MACROD2: variants seen among roughly 807,000 people sequenced by gnomAD.
MACROD2 encodes mono-ADP ribosylhydrolase 2, also known as ADP-ribose glycohydrolase MACROD2.
A neutral mutation model predicts 70.4 loss-of-function variants in MACROD2; 36 were observed. That is an observed-to-expected ratio of 0.51 (90% CI 0.39 to 0.68). MACROD2 has a LOEUF of 0.68. Ranked by LOEUF, MACROD2 falls within the 30% of genes least tolerant of loss-of-function variation. MACROD2 has a pLI of 0.00. For missense variants in MACROD2, 496 were observed against 538.4 expected (o/e 0.92, Z 0.78); for synonymous variants, 172 against 178.8 (o/e 0.96, Z 0.30).
chr20:14,940,974 A>T (rs2074384936), intron 5 of MACROD2, among the ~76,000 whole-genome samples: 1 of 152,120 alleles, frequency 6.6e-6, no homozygotes, highest in South Asian at 2.1e-4. Flanking sequence ...AATTAGTGTT[A>T]GTTCTTTACA....
intron 2 of MACROD2, among the ~76,000 whole-genome samples, chr20:14,010,907 A>G (rs2052894382): frequency 6.6e-6 from 1 of 152,084 alleles, no homozygotes; most frequent in Non-Finnish European, 1.5e-5. Context: ...CAGCATGAAT[A>G]TTGTTTTGGG....
At chr20:14,893,377 T>A (rs1339781177) in intron 5 of MACROD2, 1 of 152,172 alleles carries the variant, frequency 6.6e-6, no homozygotes, top group Non-Finnish European at 1.5e-5. Flanking sequence ...AATTTAATAC[T>A]GTTTTTGATA....
chr20:15,932,910 C>T (rs1486662839), intron 10 of MACROD2, among the ~76,000 whole-genome samples: 1 of 152,110 alleles, frequency 6.6e-6, no homozygotes. Context: ...AGAAACTTAG[C>T]CAACCTTCCT....
chr20:15,115,392 G>C (rs2075984832), intron 5 of MACROD2, among the ~76,000 whole-genome samples: 1 of 152,158 alleles, frequency 6.6e-6, no homozygotes, highest in Middle Eastern at 3.4e-3. Flanking sequence ...ACCATGCCCA[G>C]CTAATTTTTT....
chr20:15,891,779 C>A (rs1046518982), intron 10 of MACROD2, among the ~76,000 whole-genome samples: 1 of 152,148 alleles, frequency 6.6e-6, no homozygotes, highest in Non-Finnish European at 1.5e-5. Context: ...TGCTTATAAA[C>A]ATCAAGTATA....
At chr20:14,331,789 C>G (rs1025431449) in intron 3 of MACROD2, among the ~76,000 whole-genome samples, 1 of 152,086 alleles carries the variant, frequency 6.6e-6, no homozygotes, top group African/African-American at 2.4e-5. Flanking sequence ...TAGACCTTCC[C>G]CTTTCTGAGC....
chr20:14,779,004 A>T lies in MACROD2; in HGVS notation c.418+94045A>T, dbSNP rs546546311. Among the ~76,000 whole-genome samples the T allele has an allele frequency of 2.6e-5, 4 of 152,262 alleles. No homozygotes were observed. The East Asian group carries it at 5.8e-4, about 22-fold the overall frequency. ...TAAAAAAGTTATTGTAATCTCACAG[A>T]TGAGTAAAATTAAGCAAAATGAAGC... On this transcript the variant is annotated intron_variant, in intron 5 of 17. Transcript: ENST00000684519.
chr20:15,574,634 A>C (rs868349175), intron 8 of MACROD2, among the ~76,000 whole-genome samples: 1 of 152,110 alleles, frequency 6.6e-6, no homozygotes, highest in African/African-American at 2.4e-5. Flanking sequence ...GGCAATCCAA[A>C]TCATACAGGG....
At chr20:14,701,046 T>C (rs1600558707) in intron 5 of MACROD2, among the ~76,000 whole-genome samples, 1 of 152,144 alleles carries the variant, frequency 6.6e-6, no homozygotes, top group African/African-American at 2.4e-5. Flanking sequence ...GGCCTGCAGC[T>C]TAACAGATGA....
At chr20:15,285,896 G>T (rs1471973055) in intron 6 of MACROD2, among the ~76,000 whole-genome samples, 1 of 148,944 alleles carries the variant, frequency 6.7e-6, no homozygotes, top group Non-Finnish European at 1.5e-5. Context: ...TGGGGGGGTT[G>T]CATTTATTCA....
intron 3 of MACROD2, among the ~76,000 whole-genome samples, chr20:14,281,128 A>G (rs970765214): frequency 1.3e-5 from 2 of 152,226 alleles, no homozygotes; most frequent in Non-Finnish European, 2.9e-5. Context: ...ATTTGTACAC[A>G]AATGTTCATA....
intron 4 of MACROD2, among the ~76,000 whole-genome samples, chr20:14,598,367 A>G (rs545122201): frequency 2.0e-5 from 3 of 152,162 alleles, no homozygotes; most frequent in Admixed American, 1.3e-4. Context: ...AGGTTTTTTA[A>G]TTGACCTTCA....
intron 7 of MACROD2, among the ~76,000 whole-genome samples, chr20:15,454,406 A>C (rs1454065955): frequency 8.7e-5 from 12 of 137,520 alleles, no homozygotes; most frequent in South Asian, 2.5e-4. Context: ...GACATATTCA[A>C]ACACACACAC....
In MACROD2 at chr20:16,003,121, C is replaced by T. The variant is rs1403796232; in HGVS notation, c.1153+15963C>T. Among the ~76,000 whole-genome samples the T allele has an allele frequency of 3.6e-5, 5 of 140,096 alleles. No homozygotes were observed. In the East Asian group the frequency reaches 1.1e-3, roughly 30 times the overall value. 91.9% of individuals were successfully genotyped at this position (140,096 alleles called of 152,430 possible). Reference sequence around the variant, plus strand: ...ACACACACACACACACACACACACACAAACAATCTCTACCCTCAAGGGGAA... The same window carrying T: ...ACACACACACACACACACACACACATAAACAATCTCTACCCTCAAGGGGAA... On this transcript the variant is annotated intron_variant, in intron 15 of 17. Transcript: ENST00000684519.
At chr20:15,077,068 G>A (rs2075663969) in intron 5 of MACROD2, among the ~76,000 whole-genome samples, 1 of 152,186 alleles carries the variant, frequency 6.6e-6, no homozygotes, top group Admixed American at 6.5e-5. Flanking sequence ...GGGAGCAAAT[G>A]TGCATGTAAT....
intron 3 of MACROD2, among the ~76,000 whole-genome samples, chr20:14,352,603 G>A (rs549346378): frequency 4.6e-5 from 7 of 152,202 alleles, no homozygotes; most frequent in Middle Eastern, 3.4e-3. Flanking sequence ...TGCCCCTTCA[G>A]TAACATTGAG....
intron 8 of MACROD2, among the ~76,000 whole-genome samples, chr20:15,759,417 G>A (rs920053521): frequency 6.6e-6 from 1 of 152,132 alleles, no homozygotes; most frequent in Non-Finnish European, 1.5e-5. Flanking sequence ...GGATAATGAC[G>A]TTGGACACCA....
At chr20:15,447,439 G>GC (rs1365482906) in intron 7 of MACROD2, among the ~76,000 whole-genome samples, 1 of 152,294 alleles carries the variant, frequency 6.6e-6, no homozygotes, top group East Asian at 1.9e-4. Flanking sequence ...GTGAGGCAGT[G>GC]CCCATCTCAA....
At chr20:15,685,000 G>A (rs1429732680) in intron 8 of MACROD2, among the ~76,000 whole-genome samples, 2 of 152,010 alleles carry the variant, frequency 1.3e-5, no homozygotes, top group Non-Finnish European at 2.9e-5. Context: ...GAATTTATGC[G>A]ACTTCCTCAA....
Sources: gnomAD v4.1 joint callset for allele counts (sites outside exome capture counted in the v4.1 genomes callset) on GRCh38, gnomAD v4.1.1 for gene constraint, MANE v1.5 for transcripts, NCBI Gene and HGNC (gene_info 2026-07-23, HGNC 2026-07-21) for gene names.